The following FOCAD variants were observed in gnomAD, a reference collection of about 807,000 sequenced individuals.
The protein encoded by FOCAD is KIAA1797.
In FOCAD, 198 loss-of-function variants were observed where a neutral mutation model predicts 225.6. The ratio of observed to expected loss-of-function variants is 0.88; its 90% CI spans 0.78 to 0.99. The LOEUF is 0.99. Ranked by LOEUF, FOCAD falls within the 50% of genes least tolerant of loss-of-function variation. The probability of loss-of-function intolerance (pLI) is 0.00; values close to 1 mark genes in which losing one functional copy is unlikely to be tolerated. For missense variants in FOCAD, 2,713 were observed against 2,123.6 expected (o/e 1.28, Z -5.46); for synonymous variants, 897 against 755.0 (o/e 1.19, Z -3.08).
In FOCAD at chr9:20,944,611, T is replaced by G; in HGVS notation, c.3408-16T>G. ...TTTCTTATGATCCTAACATCTTATC[T>G]TTTTTGGCTTCCAAGCACGGGCTGT... On this transcript the variant is annotated splice_polypyrimidine_tract_variant and intron_variant, in intron 28 of 43. Coordinates refer to ENST00000338382, the MANE Select transcript of FOCAD (RefSeq NM_001375567.1). 6.2e-7 allele frequency: 1 copy of G among 1,603,120 alleles called. No individual in the cohort carries two copies. Among genetic ancestry groups the G allele is most frequent in the Non-Finnish European group, 8.5e-7 (1 of 1,172,708 alleles).
At chr9:20,672,011 C>G (rs747260560) in intron 2 of FOCAD, among the ~76,000 whole-genome samples, 35 of 151,402 alleles carry the variant, frequency 2.3e-4, no homozygotes, top group Non-Finnish European at 3.8e-4. Context: ...CCTGGAGAGC[C>G]TGTTTACCAG....
intron 4 of FOCAD, among the ~76,000 whole-genome samples, chr9:20,739,051 C>T (rs1316499062): frequency 6.6e-6 from 1 of 152,058 alleles, no homozygotes; most frequent in Non-Finnish European, 1.5e-5. Flanking sequence ...CTATATTGGA[C>T]TGTGCAGGTC....
At chr9:20,953,633 A>G (rs1837882199) in intron 35 of FOCAD, among the ~76,000 whole-genome samples, 1 of 152,236 alleles carries the variant, frequency 6.6e-6, no homozygotes, top group African/African-American at 2.4e-5. Flanking sequence ...AACTGGAGCC[A>G]GAACAGTGCC....
At chr9:20,690,537 T>A (rs1328697001) in intron 1 of FOCAD, among the ~76,000 whole-genome samples, 1 of 152,150 alleles carries the variant, frequency 6.6e-6, no homozygotes, top group Non-Finnish European at 1.5e-5. Flanking sequence ...GAGAAGTTAC[T>A]TTTCTAAAAG....
chr9:20,901,475 T>A (rs1346619261), intron 21 of FOCAD, among the ~76,000 whole-genome samples: 1 of 151,906 alleles, frequency 6.6e-6, no homozygotes, highest in Non-Finnish European at 1.5e-5. Context: ...TTACCTGATT[T>A]ATAGTATTTA....
intron 34 of FOCAD, among the ~76,000 whole-genome samples, chr9:20,951,638 C>T (rs1837699006): frequency 6.6e-6 from 1 of 152,060 alleles, no homozygotes; most frequent in African/African-American, 2.4e-5. Context: ...AAGGTGTGTA[C>T]CTTCTTAGCC....
At chr9:20,685,486 T>C (rs776601189) in intron 1 of FOCAD, among the ~76,000 whole-genome samples, 7 of 152,246 alleles carry the variant, frequency 4.6e-5, no homozygotes, top group Non-Finnish European at 7.3e-5. Flanking sequence ...ACTTTTTGAC[T>C]ACCAAGCAAG....
chr9:20,992,907 G>C (rs1403045136), intron 42 of FOCAD, among the ~76,000 whole-genome samples: 1 of 151,644 alleles, frequency 6.6e-6, no homozygotes, highest in Non-Finnish European at 1.5e-5. Flanking sequence ...AGGTTGCAGT[G>C]AGCCGAGATT....
At chr9:20,867,670 T>C (rs1829408247) in intron 18 of FOCAD, among the ~76,000 whole-genome samples, 1 of 152,090 alleles carries the variant, frequency 6.6e-6, no homozygotes, top group African/African-American at 2.4e-5. Context: ...GGGTTAAATA[T>C]CTGATTTCTT....
intron 35 of FOCAD, among the ~76,000 whole-genome samples, chr9:20,958,324 C>T (rs1012647341): frequency 1.3e-5 from 2 of 151,406 alleles, no homozygotes; most frequent in African/African-American, 4.8e-5. Flanking sequence ...CATATAATTG[C>T]CAGAAGGTCT....
intron 26 of FOCAD, 154 bp from the exon 27 acceptor site, chr9:20,929,204 A>T: frequency 3.3e-6 from 2 of 597,714 alleles, no homozygotes; most frequent in Non-Finnish European, 5.9e-6. Context: ...TAATCTATAG[A>T]CAAAAACGTT....
chr9:20,768,642 C>G (rs2130986936), intron 7 of FOCAD, among the ~76,000 whole-genome samples: 1 of 152,200 alleles, frequency 6.6e-6, no homozygotes, highest in East Asian at 1.9e-4. Flanking sequence ...ATACTGAGCA[C>G]TAAGACAGAA....
Position 20,959,273 on chromosome 9 carries a change from AT to A in FOCAD, c.4132+6211del, listed in dbSNP as rs1838481069. ...GAGATGATATCTCATTGTGGTTTTG[AT>A]TTGCATTTTCCTGATGATTAGTGAT... On this transcript the variant is annotated intron_variant, in intron 35 of 43. Coordinates refer to ENST00000338382, the MANE Select transcript of FOCAD (RefSeq NM_001375567.1). Among the ~76,000 whole-genome samples the A allele has an allele frequency of 3.3e-5, 5 of 152,054 alleles. No homozygotes were observed. In the East Asian group the frequency reaches 7.7e-4, roughly 24 times the overall value.
intron 1 of FOCAD, among the ~76,000 whole-genome samples, chr9:20,710,770 T>C (rs995940829): frequency 2.0e-5 from 3 of 152,206 alleles, no homozygotes; most frequent in African/African-American, 7.2e-5. Context: ...ACCTTTTAGA[T>C]TATAAAAGAG....
chr9:20,970,174 G>A (rs1216998570), intron 35 of FOCAD, among the ~76,000 whole-genome samples: 1 of 152,038 alleles, frequency 6.6e-6, no homozygotes, highest in East Asian at 1.9e-4. Flanking sequence ...ACGTCTTAGT[G>A]TGGATCTCTT....
chr9:20,866,601 A>T (rs966563039), intron 17 of FOCAD, among the ~76,000 whole-genome samples: 4 of 152,078 alleles, frequency 2.6e-5, no homozygotes, highest in Middle Eastern at 3.4e-3. Context: ...GCCCATTTTT[A>T]ATTGGGCATA....
chr9:20,993,352 C>T (rs1841825368), intron 43 of FOCAD, 24 bp downstream of exon 43: 2 of 1,577,964 alleles, frequency 1.3e-6, no homozygotes, highest in Non-Finnish European at 1.7e-6. Flanking sequence ...GTTTTATGCT[C>T]AACATAGGGG....
chr9:20,947,447 A>C (rs1056240648), intron 30 of FOCAD, among the ~76,000 whole-genome samples: 1 of 152,196 alleles, frequency 6.6e-6, no homozygotes, highest in African/African-American at 2.4e-5. Context: ...TAGAGTAGTC[A>C]AAAGCATAGA....
Position 20,719,055 on chromosome 9 carries a change from G to A in FOCAD, c.132+1187G>A, listed in dbSNP as rs1349262511. On this transcript the variant is annotated intron_variant, in intron 3 of 43. Coordinates refer to ENST00000338382, the MANE Select transcript of FOCAD (RefSeq NM_001375567.1). ...AAAGATTCTTAGCCAGCTACAGAGG[G>A]AAAGTGGGTACAAAATGATGTTGAT... Among the ~76,000 whole-genome samples the A allele has an allele frequency of 3.3e-5, 5 of 152,192 alleles. No individual in the cohort carries two copies. The East Asian group carries it at 9.7e-4, about 29-fold the overall frequency.
Sources: gnomAD v4.1 joint callset for allele counts (sites outside exome capture counted in the v4.1 genomes callset) on GRCh38, gnomAD v4.1.1 for gene constraint, MANE v1.5 for transcripts, NCBI Gene and HGNC (gene_info 2026-07-23, HGNC 2026-07-21) for gene names.